The following AVEN variants were observed in gnomAD, a reference collection of about 807,000 sequenced individuals.
The protein encoded by AVEN is apoptosis and caspase activation inhibitor.
AVEN carries 41 observed loss-of-function variants against 38.1 expected under a neutral mutation model. The ratio of observed to expected loss-of-function variants is 1.08; its 90% CI spans 0.84 to 1.40. The LOEUF is 1.40. Among genes scored for constraint, AVEN ranks in the 40% most tolerant of loss-of-function variants. The probability of loss-of-function intolerance (pLI) is 0.00; values close to 1 mark genes in which losing one functional copy is unlikely to be tolerated. For missense variants in AVEN, 605 were observed against 438.8 expected (o/e 1.38, Z -3.38); for synonymous variants, 206 against 171.8 (o/e 1.20, Z -1.56).
At chr15:34,060,731 G>C (rs373807778) in intron 5 of AVEN, among the ~76,000 whole-genome samples, 3 of 152,176 alleles carry the variant, frequency 2.0e-5, no homozygotes, top group Non-Finnish European at 4.4e-5. Context: ...ACAAAAATTA[G>C]CCAGGCTTGG....
the AVEN span, chr15:33,853,537 T>C: frequency 1.9e-6 from 3 of 1,612,308 alleles, no homozygotes; most frequent in Non-Finnish European, 2.5e-6. Context: ...GAGCTCACCC[T>C]GTCATCCTTT....
intron 2 of AVEN, among the ~76,000 whole-genome samples, chr15:33,907,056 C>T (rs1436134964): frequency 2.0e-5 from 3 of 152,134 alleles, no homozygotes; most frequent in Non-Finnish European, 2.9e-5. Context: ...CGGCCCACAG[C>T]TTTTTCTACC....
chr15:33,959,779 T>C (rs1895095155), intron 2 of AVEN, among the ~76,000 whole-genome samples: 1 of 151,988 alleles, frequency 6.6e-6, no homozygotes, highest in Non-Finnish European at 1.5e-5. Context: ...TTAGTGGAGA[T>C]CAGAAAGACA....
intron 1 of AVEN, among the ~76,000 whole-genome samples, chr15:34,009,469 T>C (rs1013372110): frequency 6.6e-5 from 10 of 152,152 alleles, no homozygotes; most frequent in Admixed American, 5.2e-4. Flanking sequence ...ATAACATAGA[T>C]TTTTTTAAAA....
chr15:34,027,959 G>C (rs2632076), intron 1 of AVEN, among the ~76,000 whole-genome samples: 97,635 of 152,014 alleles, frequency 0.64, 36,703 homozygotes, highest in Non-Finnish European at 0.85. Flanking sequence ...GTGGTCATGC[G>C]CAGAAAAGAT....
chr15:33,854,088 T>C (rs1307415087), downstream of AVEN, among the ~76,000 whole-genome samples: 1 of 150,956 alleles, frequency 6.6e-6, no homozygotes, highest in South Asian at 2.1e-4. Context: ...CCCAGCTGCT[T>C]GGGAGGCTGA....
chr15:33,853,217 C>A, the AVEN span: 2 of 941,310 alleles, frequency 2.1e-6, no homozygotes, highest in Non-Finnish European at 3.1e-6. Context: ...AAGAGTAAGT[C>A]ACAGAAGGGG....
chr15:33,968,628 G>C (rs961668997), intron 2 of AVEN: 1 of 152,120 alleles, frequency 6.6e-6, no homozygotes, highest in African/African-American at 2.4e-5. Context: ...CAGAAGAAAT[G>C]CCTTCATCTT....
intron 1 of AVEN, among the ~76,000 whole-genome samples, chr15:34,020,857 T>C (rs1898171025): frequency 6.6e-6 from 1 of 152,360 alleles, no homozygotes. Context: ...AGCTGTTTGA[T>C]TTGCCATTTT....
At chr15:34,013,995 G>A (rs8033306) in intron 1 of AVEN, among the ~76,000 whole-genome samples, 19,597 of 151,984 alleles carry the variant, frequency 0.13, 1,656 homozygotes, top group African/African-American at 0.23. Context: ...AGCAAAGAAC[G>A]TGCTTCTAAC....
chr15:33,951,171 T>C (rs1487275374), intron 2 of AVEN, among the ~76,000 whole-genome samples: 1 of 152,108 alleles, frequency 6.6e-6, no homozygotes, highest in Non-Finnish European at 1.5e-5. Flanking sequence ...AAAGCCTGTG[T>C]AGCATTCCTA....
intron 2 of AVEN, among the ~76,000 whole-genome samples, chr15:33,940,665 C>T (rs1894282810): frequency 6.6e-6 from 1 of 152,140 alleles, no homozygotes; most frequent in South Asian, 2.1e-4. Flanking sequence ...CCTCAGCCTC[C>T]CGAGTAGCTG....
At chr15:34,031,006 G>A (rs948470707) in intron 1 of AVEN, among the ~76,000 whole-genome samples, 11 of 151,936 alleles carry the variant, frequency 7.2e-5, no homozygotes, top group Admixed American at 2.0e-4. Flanking sequence ...GACTATGTTC[G>A]TTTCACAGAA....
chr15:33,894,947 T>C (rs968913566), intron 2 of AVEN, among the ~76,000 whole-genome samples: 3 of 151,858 alleles, frequency 2.0e-5, no homozygotes, highest in African/African-American at 7.3e-5. Context: ...ATGTCATCTA[T>C]GTGATTAAAA....
intron 2 of AVEN, among the ~76,000 whole-genome samples, chr15:33,986,201 G>T (rs1169615351): frequency 6.6e-6 from 1 of 151,842 alleles, no homozygotes; most frequent in African/African-American, 2.4e-5. Flanking sequence ...CTGCCTCCCG[G>T]GTTCACGCCA....
chr15:33,933,554 G>T (rs1381251307), intron 2 of AVEN, among the ~76,000 whole-genome samples: 2 of 147,992 alleles, frequency 1.4e-5, no homozygotes, highest in Admixed American at 6.9e-5. Flanking sequence ...GAGAGAGAGA[G>T]AGAGAGAGAG....
chr15:33,924,497 T>G (rs1893537885), intron 2 of AVEN, among the ~76,000 whole-genome samples: 1 of 152,216 alleles, frequency 6.6e-6, no homozygotes, highest in African/African-American at 2.4e-5. Context: ...ATTTCCTGAT[T>G]TTTTTGTAGA....
chr15:33,991,258 C>T (rs966846828), intron 2 of AVEN: 24 of 152,146 alleles, frequency 1.6e-4, no homozygotes, highest in African/African-American at 5.8e-4. Flanking sequence ...TATAAAAATA[C>T]AGACCTTCTA....
At chr15:33,852,076 GAAT>G in the AVEN span, 3 of 27,656 alleles carry the variant, frequency 1.1e-4, no homozygotes, top group Admixed American at 1.3e-3. Flanking sequence ...AGAGGTCAGT[GAAT>G]AGTAGGAGGT....
Sources: gnomAD v4.1 joint callset for allele counts (sites outside exome capture counted in the v4.1 genomes callset) on GRCh38, gnomAD v4.1.1 for gene constraint, MANE v1.5 for transcripts, NCBI Gene and HGNC (gene_info 2026-07-23, HGNC 2026-07-21) for gene names.